Variants in PHKG1 observed in about 807,000 individuals in gnomAD.
PHKG1 encodes the protein phosphorylase kinase catalytic subunit gamma 1, also known as phosphorylase b kinase gamma catalytic chain, skeletal muscle/heart isoform.
Under a neutral mutation model 50.5 loss-of-function variants are expected in PHKG1, and 48 were observed. The ratio of observed to expected loss-of-function variants is 0.95; its 90% confidence interval spans 0.75 to 1.21. The LOEUF is 1.21. Ranked by LOEUF, PHKG1 falls within the 50% of genes most tolerant of loss-of-function variation. PHKG1 has a pLI of 0.00. For missense variants in PHKG1, 487 were observed against 519.5 expected, an observed-to-expected ratio of 0.94 and a Z score of 0.61; for synonymous variants, 204 against 212.8, an observed-to-expected ratio of 0.96 and a Z score of 0.36.
At position 56,089,111 on chromosome 7, in the gene PHKG1, T is replaced by C. The variant is rs535380248; in HGVS notation, c.-34-136A>G. On this transcript the variant is annotated intron_variant, in intron 1 of 9. Coordinates refer to ENST00000297373, the MANE Select transcript of PHKG1 (RefSeq NM_006213.5). ...CTATAGTGAATGTTCCAAATAAATG[T>C]TTGTGAATTGAGGCCGTTCGTGGTG... The C allele has an allele frequency of 1.2e-4, 68 of 555,172 alleles. No homozygotes were observed. In the East Asian group the frequency reaches 2.0e-3, roughly 16 times the overall value. The allele number at this position is 555,172 out of a possible 1,614,324, so 34.4% of individuals were successfully genotyped here. A position where few individuals can be genotyped will look rare whatever the true frequency, so the allele number is the denominator to read the frequency against.
At chr7:56,085,203 C>T (rs1426462691) in intron 4 of PHKG1, among the ~76,000 whole-genome samples, 3 of 152,218 alleles carry the variant, frequency 2.0e-5, no homozygotes, top group East Asian at 1.9e-4. Flanking sequence ...TCATCTGATC[C>T]GCCTGCCTCA....
chr7:56,087,954 A>C (rs998870125), intron 2 of PHKG1, among the ~76,000 whole-genome samples, 178 bp from the exon 3 acceptor site: 2 of 149,358 alleles, frequency 1.3e-5, no homozygotes, highest in Non-Finnish European at 3.0e-5. Flanking sequence ...TGATTTGCCC[A>C]GAACTGGTGA....
At chr7:56,084,159 C>T in intron 4 of PHKG1, 4 of 1,528,762 alleles carry the variant, frequency 2.6e-6, no homozygotes, top group Non-Finnish European at 3.5e-6. Context: ...CTTGCCCTGC[C>T]CTGGGCCCTG....
intron 6 of PHKG1, among the ~76,000 whole-genome samples, chr7:56,082,732 G>A (rs1026628207): frequency 3.3e-5 from 5 of 152,200 alleles, no homozygotes; most frequent in African/African-American, 2.4e-5. Context: ...CCAGCTCATG[G>A]CCCATTGCTT....
intron 1 of PHKG1, among the ~76,000 whole-genome samples, chr7:56,089,551 G>A (rs919463186): frequency 6.6e-6 from 1 of 151,560 alleles, no homozygotes; most frequent in South Asian, 2.1e-4. Flanking sequence ...TAGGACTAAA[G>A]TATCCCCCAG....
At chr7:56,082,968 T>C (rs1796083109) in intron 6 of PHKG1, among the ~76,000 whole-genome samples, 1 of 151,938 alleles carries the variant, frequency 6.6e-6, no homozygotes, top group Admixed American at 6.6e-5. Flanking sequence ...TAGCCGAGCG[T>C]TGTGGCGCGT....
At chr7:56,087,448 CCTT>C (rs1796304016) in intron 3 of PHKG1, 147 bp downstream of exon 3, 1 of 704,302 alleles carries the variant, frequency 1.4e-6, no homozygotes. Context: ...GCCTGGGACC[CCTT>C]CTATCAGAGC....
At chr7:56,089,716 G>A (rs539604092) in intron 1 of PHKG1, among the ~76,000 whole-genome samples, 3 of 152,180 alleles carry the variant, frequency 2.0e-5, no homozygotes, top group South Asian at 4.1e-4. Context: ...TAGAGACAGG[G>A]TTTCGCCATG....
rs1796385891 is a variant in PHKG1 at position 56,088,951 on chromosome 7, T to G, written c.-10A>C. 6.2e-7 allele frequency: 1 copy of G among 1,600,758 alleles called. No homozygotes were observed. The highest frequency in any genetic ancestry group is 8.6e-7 in the Non-Finnish European group (1 of 1,168,470). On this transcript the variant is annotated 5_prime_UTR_variant, in exon 2 of 10. Coordinates refer to ENST00000297373, the MANE Select transcript of PHKG1 (RefSeq NM_006213.5). ...CCTCGTCCCGGGTCATGCTCAGATC[T>G]TCAGTGAGGGAACTCTGGGTGGCTC...
chr7:56,085,084 C>T (rs532374773), intron 4 of PHKG1, among the ~76,000 whole-genome samples: 4 of 152,176 alleles, frequency 2.6e-5, no homozygotes, highest in African/African-American at 7.2e-5. Flanking sequence ...CCTCATCCTC[C>T]TGAGTGACTG....
chr7:56,088,835 T>A, intron 2 of PHKG1, 24 bp downstream of exon 2: 1 of 1,570,286 alleles, frequency 6.4e-7, no homozygotes, highest in Non-Finnish European at 8.8e-7. Context: ...GGACAGCACT[T>A]CGTGGGGAAA....
At position 56,081,404 on chromosome 7, in the gene PHKG1, G is replaced by T; in HGVS notation, c.919-105C>A. The T allele has an allele frequency of 7.0e-7, 1 of 1,420,920 alleles. No individual in the cohort carries two copies. Among genetic ancestry groups the T allele is most frequent in the Non-Finnish European group, 9.4e-7 (1 of 1,065,152 alleles). 88.0% of individuals were successfully genotyped at this position (1,420,920 alleles called of 1,614,324 possible). A position where few individuals can be genotyped will look rare whatever the true frequency, so the allele number is the denominator to read the frequency against. On this transcript the variant is annotated intron_variant, in intron 9 of 9. Coordinates refer to ENST00000297373, the MANE Select transcript of PHKG1 (RefSeq NM_006213.5). This position sits in a 1 kb window ranked among gnomAD's most constrained non-coding sequence, Gnocchi z 4.6. ...CTCGTTTGCCACGAAGCCTTGGGTG[G>T]CTTCTGCGGGGCCTTCCTAGTGTCC...
chr7:56,084,389 T>TC lies in PHKG1; in HGVS notation c.318-675_318-674insG, dbSNP rs1554370039. ...ATCCCGATTTTTTTTTTTTTTTTTT[T>TC]TTGAGATGGAGTTTTTGCTCATCAC... On this transcript the variant is annotated intron_variant, in intron 4 of 9. Transcript: ENST00000297373. The TC allele has an allele frequency of 6.5e-3, 3,661 of 562,426 alleles. 10 individuals carry two copies. Among genetic ancestry groups the TC allele is most frequent in the Non-Finnish European group, 8.7e-3 (2,775 of 318,154 alleles). 34.8% of individuals were successfully genotyped at this position (562,426 alleles called of 1,614,324 possible). A position where few individuals can be genotyped will look rare whatever the true frequency, so the allele number is the denominator to read the frequency against.
At chr7:56,087,878 A>C in intron 2 of PHKG1, 102 bp from the exon 3 acceptor site, 2 of 904,014 alleles carry the variant, frequency 2.2e-6, no homozygotes, top group South Asian at 3.1e-5. Context: ...ACAGAGATTT[A>C]CACTTTCCCC....
In PHKG1 at chr7:56,087,675, T is replaced by C. The variant is rs1337580984; in HGVS notation, c.185A>G (p.Glu62Gly). The C allele has an allele frequency of 1.9e-6, 3 of 1,613,978 alleles. No individual in the cohort carries two copies. The highest frequency in any genetic ancestry group is 4.5e-5 in the East Asian group (2 of 44,852). Residue 62 changes from glutamate to glycine, a missense_variant, in exon 3 of 10, where the codon GAG (glutamate) becomes GGG (glycine). Physicochemically the swap from Glu to Gly is moderately conservative, Grantham distance 98. Transcript: ENST00000297373. ...GGCTTCTCGCAGCTCCCGCACCTCC[T>C]CCGGGCTGAAGCTGCCTCCACCGGT... Reference protein sequence around the residue: ...DVTGGGSFSPEEVRELREATL... With the variant: ...DVTGGGSFSPGEVRELREATL...
chr7:56,085,735 C>T lies in PHKG1; in HGVS notation c.317+1235G>A, dbSNP rs142756092. On this transcript the variant is annotated intron_variant, in intron 4 of 9. Transcript: ENST00000297373. ...ATCCCAGCACTTTGGGAGGCCGAGGCGAGTGGATCACTTGAGGTCAGGAGT... is the reference window on the plus strand; with the variant it reads ...ATCCCAGCACTTTGGGAGGCCGAGGTGAGTGGATCACTTGAGGTCAGGAGT... 5.1e-3 allele frequency among the ~76,000 whole-genome samples: 772 copies of T among 151,850 alleles called. 2 individuals are homozygous for T. The highest frequency in any genetic ancestry group is 0.02 in the Middle Eastern group (6 of 294).
At chr7:56,082,309 C>A in intron 6 of PHKG1, 56 bp from the exon 7 acceptor site, 1 of 1,409,782 alleles carries the variant, frequency 7.1e-7, no homozygotes, top group Non-Finnish European at 9.9e-7. Flanking sequence ...AGAGGAAGTC[C>A]AGGCTGGCCG....
At chr7:56,082,307 T>C in intron 6 of PHKG1, 54 bp from the exon 7 acceptor site, 1 of 1,434,444 alleles carries the variant, frequency 7.0e-7, no homozygotes, top group Non-Finnish European at 9.7e-7. Flanking sequence ...GAAGAGGAAG[T>C]CCAGGCTGGC....
chr7:56,080,864 G>C lies in PHKG1; in HGVS notation c.*190C>G, dbSNP rs554854696. 3 of 664,300 alleles carry C rather than the reference G, an allele frequency of 4.5e-6. No homozygotes were observed. Among genetic ancestry groups the C allele is most frequent in the African/African-American group, 1.8e-5 (1 of 55,140 alleles). 41.2% of individuals were successfully genotyped at this position (664,300 alleles called of 1,614,324 possible). On this transcript the variant is annotated 3_prime_UTR_variant, in exon 10 of 10. Transcript: ENST00000297373. ...CCTGCCCCAGCCTGCAGGTATTGCT[G>C]TGTGGTGGGAACACCCACTTCCCTT... is the stretch of plus-strand genomic sequence containing the variant.
Sources: gnomAD v4.1 joint callset for allele counts (sites outside exome capture counted in the v4.1 genomes callset) on GRCh38, gnomAD v4.1.1 for gene constraint, Gnocchi (gnomAD v3.1) non-coding constraint, MANE v1.5 for transcripts, NCBI Gene and HGNC (gene_info 2026-07-23, HGNC 2026-07-21) for gene names.